Variants in DNM1L observed in about 807,000 individuals in gnomAD.
DNM1L encodes dynamin 1L.
In DNM1L, 33 loss-of-function variants were observed where a neutral mutation model predicts 92.8. The ratio of observed to expected loss-of-function variants is 0.36; its 90% CI spans 0.27 to 0.48. The LOEUF (loss-of-function observed/expected upper bound fraction) is 0.48, where lower values mean the gene tolerates loss of function less well. DNM1L is among the 20% of genes least tolerant of loss of function. The pLI is 0.99. For synonymous variants in DNM1L, 284 were observed against 305.0 expected, an observed-to-expected ratio of 0.93 and a Z score of 0.72; for missense variants, 485 against 888.8, an observed-to-expected ratio of 0.55 and a Z score of 5.78.
At chr12:32,707,236 C>A in intron 2 of DNM1L, 131 bp from the exon 3 acceptor site, 1 of 643,796 alleles carries the variant, frequency 1.6e-6, no homozygotes, top group Non-Finnish European at 2.7e-6. Flanking sequence ...CCTTAAAATA[C>A]TTGTTAACTT....
At chr12:32,705,872 T>C (rs1426207550) in intron 2 of DNM1L, 3 of 1,597,790 alleles carry the variant, frequency 1.9e-6, no homozygotes, top group Non-Finnish European at 1.7e-6. Context: ...AGGTTTCCTT[T>C]ATCCATTTGC....
chr12:32,693,012 G>A (rs565625176), intron 1 of DNM1L, among the ~76,000 whole-genome samples: 7 of 152,200 alleles, frequency 4.6e-5, no homozygotes, highest in East Asian at 1.9e-4. Context: ...GTGGTACTGC[G>A]GATATTCATA....
chr12:32,696,401 C>T (rs1041756068), intron 1 of DNM1L, among the ~76,000 whole-genome samples: 1 of 151,012 alleles, frequency 6.6e-6, no homozygotes, highest in Non-Finnish European at 1.5e-5. Context: ...CACACACACA[C>T]ACACACACAC....
At chr12:32,713,144 A>G (rs976003320) in intron 5 of DNM1L, 65 bp from the exon 6 acceptor site, 19 of 1,537,736 alleles carry the variant, frequency 1.2e-5, no homozygotes, top group Non-Finnish European at 1.7e-5. Context: ...TATCGATTAA[A>G]TGTGGGTAAA....
At chr12:32,709,801 A>G (rs549072622) in intron 4 of DNM1L, among the ~76,000 whole-genome samples, 8 of 152,356 alleles carry the variant, frequency 5.3e-5, no homozygotes, top group South Asian at 4.1e-4. Flanking sequence ...TGAGAAATAT[A>G]CAACCTAAGT....
At chr12:32,742,492 T>G (rs1955377518) in intron 18 of DNM1L, 97 bp from the exon 19 acceptor site, 1 of 1,436,226 alleles carries the variant, frequency 7.0e-7, no homozygotes, top group Non-Finnish European at 9.7e-7. Flanking sequence ...AGTAGTAGTG[T>G]TCTTACTTAA....
intron 9 of DNM1L, among the ~76,000 whole-genome samples, chr12:32,724,829 A>G (rs1198310320): frequency 1.3e-5 from 2 of 151,296 alleles, no homozygotes; most frequent in African/African-American, 4.8e-5. Flanking sequence ...GTGAGCTTTT[A>G]ATGAGAATGA....
Position 32,733,798 on chromosome 12 carries a change from T to A in DNM1L, c.1530T>A (p.Asn510Lys). The A allele has an allele frequency of 6.2e-7, 1 of 1,613,590 alleles. No individual in the cohort carries two copies. The highest frequency in any genetic ancestry group is 8.5e-7 in the Non-Finnish European group (1 of 1,179,612). Reference protein sequence around the residue: ...DFADACGLMNNNIEEQRRNRL... With the variant: ...DFADACGLMNKNIEEQRRNRL... Reference sequence around the variant, plus strand: ...CTGATGCTTGTGGGCTAATGAACAATAATATAGAGGTAAATATAATTCTTA... The same window carrying A: ...CTGATGCTTGTGGGCTAATGAACAAAAATATAGAGGTAAATATAATTCTTA... The change falls in exon 13 of 20, where the codon AAT becomes AAA. Residue 510 changes from asparagine (N) to lysine (K), a missense_variant. By Grantham distance (94) the Asn-to-Lys change is moderately conservative (BLOSUM62 0). This residue lies in a region of DNM1L where 65 missense variants were observed against 59.4 expected (regional missense o/e 1.09). Coordinates refer to ENST00000549701, the MANE Select transcript of DNM1L (RefSeq NM_012062.5).
chr12:32,715,729 C>T (rs1301539920), intron 6 of DNM1L, among the ~76,000 whole-genome samples: 2 of 150,010 alleles, frequency 1.3e-5, no homozygotes, highest in Non-Finnish European at 3.0e-5. Context: ...AGGACAGTCT[C>T]AAAAAAAAAG....
At chr12:32,738,467 T>A (rs563899768) in intron 16 of DNM1L, among the ~76,000 whole-genome samples, 171 bp downstream of exon 16, 1 of 152,206 alleles carries the variant, frequency 6.6e-6, no homozygotes, top group South Asian at 2.1e-4. Flanking sequence ...AACGTTGTTT[T>A]AATTAGTAAC....
At chr12:32,724,607 T>A (rs1954003123) in intron 9 of DNM1L, among the ~76,000 whole-genome samples, 2 of 140,964 alleles carry the variant, frequency 1.4e-5, no homozygotes, top group East Asian at 2.0e-4. Flanking sequence ...TATATATATA[T>A]ATATATATAT....
At chr12:32,719,264 CT>C (rs957916270) in intron 7 of DNM1L, among the ~76,000 whole-genome samples, 1 of 152,118 alleles carries the variant, frequency 6.6e-6, no homozygotes, top group African/African-American at 2.4e-5. Context: ...GACATTTTTA[CT>C]GGAAAATGTT....
intron 9 of DNM1L, chr12:32,726,755 C>T: frequency 1.6e-6 from 1 of 617,838 alleles, no homozygotes; most frequent in South Asian, 2.0e-5. Context: ...AAATGACATT[C>T]TTTCCTTTTT....
Position 32,742,270 on chromosome 12 carries a change from A to T in DNM1L, c.1995-319A>T, listed in dbSNP as rs115157956. The stretch of plus-strand genomic sequence containing the variant: ...CAGGCATGTGCCACCACACTCAGCT[A>T]ATTTTTTATTTTTAGTGCAGACGGT... On this transcript the variant is annotated intron_variant, in intron 18 of 19. Coordinates refer to ENST00000549701, the MANE Select transcript of DNM1L (RefSeq NM_012062.5). 0.01 allele frequency among the ~76,000 whole-genome samples: 1,532 copies of T among 152,134 alleles called. 32 individuals carry two copies. The highest frequency in any genetic ancestry group is 0.034 in the African/African-American group (1,413 of 41,512).
intron 1 of DNM1L, among the ~76,000 whole-genome samples, chr12:32,696,415 C>CACACACAA (rs1463255546): frequency 1.4e-5 from 2 of 144,306 alleles, no homozygotes; most frequent in African/African-American, 5.2e-5. Context: ...CACACACACA[C>CACACACAA]AATATAGTGA....
chr12:32,741,050 T>C (rs1955250319), intron 18 of DNM1L, among the ~76,000 whole-genome samples: 1 of 152,222 alleles, frequency 6.6e-6, no homozygotes, highest in African/African-American at 2.4e-5. Context: ...TTAGAAAATA[T>C]TCTGCATCCA....
At chr12:32,726,430 C>T in intron 9 of DNM1L, 2 of 1,471,376 alleles carry the variant, frequency 1.4e-6, no homozygotes, top group Non-Finnish European at 1.9e-6. Context: ...GGGTCATAGT[C>T]TGGATCATTT....
At chr12:32,687,985 C>T (rs868247608) in intron 1 of DNM1L, among the ~76,000 whole-genome samples, 2 of 152,078 alleles carry the variant, frequency 1.3e-5, no homozygotes, top group Admixed American at 6.6e-5. Flanking sequence ...AGTGCAGTGG[C>T]GTGATCTCGT....
chr12:32,708,597 C>T (rs1351912779), intron 4 of DNM1L, among the ~76,000 whole-genome samples: 2 of 152,002 alleles, frequency 1.3e-5, no homozygotes, highest in African/African-American at 4.8e-5. Context: ...CATTGTTTCA[C>T]TTATATATAT....
Sources: gnomAD v4.1 joint callset for allele counts (sites outside exome capture counted in the v4.1 genomes callset) on GRCh38, gnomAD v4.1.1 for gene constraint, gnomAD v4.1.1 regional missense constraint, MANE v1.5 for transcripts, NCBI Gene and HGNC (gene_info 2026-07-23, HGNC 2026-07-21) for gene names.